The following KCNA7 variants were observed in gnomAD, a reference collection of about 807,000 sequenced individuals.
KCNA7 encodes potassium channel, voltage gated shaker related subfamily A, member 7.
In KCNA7, 15 loss-of-function variants were observed where a neutral mutation model predicts 21.5. That is an observed-to-expected ratio of 0.70 (90% CI 0.47 to 1.07). KCNA7 has a LOEUF of 1.07. Ranked by LOEUF, KCNA7 falls within the 50% of genes least tolerant of loss-of-function variation. KCNA7 has a pLI of 0.00. For synonymous variants in KCNA7, 298 were observed against 291.0 expected, an observed-to-expected ratio of 1.02 and a Z score of -0.24; for missense variants, 640 against 651.6, an observed-to-expected ratio of 0.98 and a Z score of 0.19.
In KCNA7 at chr19:49,069,778, C is replaced by A; in HGVS notation, c.*285G>T. 1 of 414,070 alleles carries A rather than the reference C, an allele frequency of 2.4e-6. No homozygotes were observed. 25.6% of individuals were successfully genotyped at this position (414,070 alleles called of 1,614,324 possible). On this transcript the variant is annotated 3_prime_UTR_variant, in exon 2 of 2. Transcript: ENST00000221444. ...TACGACCAAACCTATCTCAACACTA[C>A]CCCAAAAGGCTCCATGAGCTTTGCA...
intron 1 of KCNA7, 112 bp downstream of exon 1, chr19:49,071,919 T>A: frequency 1.6e-6 from 1 of 631,052 alleles, no homozygotes; most frequent in Non-Finnish European, 2.4e-6. Flanking sequence ...TGTCTTCGGC[T>A]GGCCCACCCC....
intron 1 of KCNA7, 46 bp downstream of exon 1, chr19:49,071,985 T>A: frequency 1.6e-6 from 2 of 1,243,274 alleles, no homozygotes; most frequent in Non-Finnish European, 2.1e-6. Context: ...ACCCCGCCCA[T>A]CTCCTCCCAA....
Position 49,070,010 on chromosome 19 carries a change from C to CCTCA in KCNA7, c.*52_*53insTGAG, listed in dbSNP as rs1462110937. On this transcript the variant is annotated 3_prime_UTR_variant, in exon 2 of 2. Coordinates refer to ENST00000221444, the MANE Select transcript of KCNA7 (RefSeq NM_031886.3). This position sits in a 1 kb window ranked among gnomAD's most constrained non-coding sequence, Gnocchi z 4.3. ...CCCCCAGCCTTGCCCTCCACCCTGC[C>CCTCA]CTCCCTCCCTCCCTCTAGGGAGGTG... is the stretch of plus-strand genomic sequence containing the variant. The CCTCA allele has an allele frequency of 1.4e-6, 2 of 1,406,340 alleles. No individual in the cohort carries two copies. Among genetic ancestry groups the CCTCA allele is most frequent in the Non-Finnish European group, 2.0e-6 (2 of 1,023,574 alleles). 87.1% of individuals were successfully genotyped at this position (1,406,340 alleles called of 1,614,324 possible).
chr19:49,071,225 T>C (rs937975726), intron 1 of KCNA7, among the ~76,000 whole-genome samples: 1 of 152,102 alleles, frequency 6.6e-6, no homozygotes, highest in African/African-American at 2.4e-5. Context: ...CCCCACCACC[T>C]TGTGCCTAGC....
In KCNA7 at chr19:49,070,219, T is replaced by A; in HGVS notation, c.1215A>T (p.Thr405=). The A allele has an allele frequency of 6.2e-7, 1 of 1,614,224 alleles. No homozygotes were observed. The highest frequency in any genetic ancestry group is 1.1e-5 in the South Asian group (1 of 91,086). The change falls in exon 2 of 2, where the codon ACA becomes ACT. Residue 405 remains threonine (T), a synonymous_variant. Transcript: ENST00000221444. This position sits in a 1 kb window ranked among gnomAD's most constrained non-coding sequence, Gnocchi z 4.3. ...SNFSYFYHRE[T]EGEEAGMFSH... Reference sequence around the variant, plus strand: ...TGAACATCCCAGCCTCTTCGCCCTCTGTCTCCCGGTGATAAAAGTAGCTGA... The same window carrying A: ...TGAACATCCCAGCCTCTTCGCCCTCAGTCTCCCGGTGATAAAAGTAGCTGA...
At position 49,067,689 on chromosome 19, in the gene KCNA7, G is replaced by C. The variant is rs1457318377; in HGVS notation, c.*2374C>G. On this transcript the variant is annotated 3_prime_UTR_variant, in exon 2 of 2. Transcript: ENST00000221444. ...CAGCCTGCCTGGCCCCTGGGGACAAGCTGTGAGACCTTGGGAAGCCACTCC... is the reference window on the plus strand; with the variant it reads ...CAGCCTGCCTGGCCCCTGGGGACAACCTGTGAGACCTTGGGAAGCCACTCC... The C allele has an allele frequency of 6.6e-6, 1 of 152,154 alleles. No homozygotes were observed. Among genetic ancestry groups the C allele is most frequent in the African/African-American group, 2.4e-5 (1 of 41,428 alleles). 9.4% of individuals were successfully genotyped at this position (152,154 alleles called of 1,614,324 possible).
Position 49,069,572 on chromosome 19 carries a change from C to T in KCNA7, c.*491G>A, listed in dbSNP as rs3810185. ...CTACACAATTTCCACCATGTCTCAA[C>T]GAAACTTAACACCACACACATTCGA... On this transcript the variant is annotated 3_prime_UTR_variant, in exon 2 of 2. Coordinates refer to ENST00000221444, the MANE Select transcript of KCNA7 (RefSeq NM_031886.3). 0.039 allele frequency: 5,990 copies of T among 154,490 alleles called. 145 individuals carry two copies. The highest frequency in any genetic ancestry group is 0.086 in the East Asian group (449 of 5,200). The allele number at this position is 154,490 out of a possible 1,614,324, so 9.6% of individuals were successfully genotyped here. A position where few individuals can be genotyped will look rare whatever the true frequency, so the allele number is the denominator to read the frequency against.
chr19:49,072,526 G>T lies in KCNA7; in HGVS notation c.60C>A (p.Ala20=). The stretch of plus-strand genomic sequence containing the variant: ...GCGCCCGCGTCTCGAAGCGCAGCCC[G>T]GCCACGTTGAGCACCAGCCGCTCGC... The part of the protein sequence containing the change: ...GCCERLVLNV[A]GLRFETRART... The change falls in exon 1 of 2, where the codon GCC becomes GCA. Residue 20 remains alanine (A), a synonymous_variant. Transcript: ENST00000221444. The T allele has an allele frequency of 2.1e-6, 3 of 1,459,366 alleles. No homozygotes were observed. Among genetic ancestry groups the T allele is most frequent in the Non-Finnish European group, 2.7e-6 (3 of 1,114,250 alleles). 90.4% of individuals were successfully genotyped at this position (1,459,366 alleles called of 1,614,324 possible). A position where few individuals can be genotyped will look rare whatever the true frequency, so the allele number is the denominator to read the frequency against.
At position 49,072,425 on chromosome 19, in the gene KCNA7, C is replaced by A; in HGVS notation, c.161G>T (p.Arg54Leu). The A allele has an allele frequency of 1.3e-6, 2 of 1,578,008 alleles. No individual in the cohort carries two copies. The highest frequency in any genetic ancestry group is 2.3e-5 in the South Asian group (2 of 88,376). The change falls in exon 1 of 2, where the codon CGC (arginine) becomes CTC (leucine). Residue 54 changes from arginine (R) to leucine (L), a missense_variant. Coordinates refer to ENST00000221444, the MANE Select transcript of KCNA7 (RefSeq NM_031886.3). ...CCGGTGCCGGTCGAAGAAATACTCG[C>A]GGCGCGCGTCGTCGTAGAAGCGGCC... ...RRGRFYDDAR[R>L]EYFFDRHRPS...
chr19:49,070,140 GC>G lies in KCNA7; in HGVS notation c.1293del (p.Leu432TrpfsTer82), dbSNP rs1343331789. The G allele has an allele frequency of 6.2e-7, 1 of 1,613,600 alleles. No homozygotes were observed. Among genetic ancestry groups the G allele is most frequent in the Non-Finnish European group, 8.5e-7 (1 of 1,179,800 alleles). Reference protein sequence around the residue: ...CGPLEGKANGGLVDGEVPELP... With the variant: ...CGPLEGKANGXLVDGEVPELP... ...AGCTCAGGTACCTCCCCGTCCACCAGCCCCCCATTGGCCTTGCCCTCCAGTG... is the reference window on the plus strand; with the variant it reads ...AGCTCAGGTACCTCCCCGTCCACCAGCCCCCATTGGCCTTGCCCTCCAGTG... On this transcript the variant is annotated frameshift_variant, in exon 2 of 2. Coordinates refer to ENST00000221444, the MANE Select transcript of KCNA7 (RefSeq NM_031886.3). LOFTEE classifies it low-confidence loss of function (END_TRUNC). This position sits in a 1 kb window ranked among gnomAD's most constrained non-coding sequence, Gnocchi z 4.3.
In KCNA7 at chr19:49,070,859, C is replaced by A; in HGVS notation, c.575G>T (p.Gly192Val). ...TGGATTTCCAGGCATTTGGCTGGAGCCATTCAGCGGAGCGGGGAACTGCAG... is the reference window on the plus strand; with the variant it reads ...TGGATTTCCAGGCATTTGGCTGGAGACATTCAGCGGAGCGGGGAACTGCAG... The part of the protein sequence containing the change: ...AAGPFPAPLN[G>V]SSQMPGNPPR... Residue 192 changes from glycine (G) to valine (V), a missense_variant, in exon 2 of 2, where the codon GGC (glycine) becomes GTC (valine). Transcript: ENST00000221444. The surrounding 1 kb of genome is among the most constrained non-coding windows in gnomAD (Gnocchi z 4.3). The A allele has an allele frequency of 6.2e-7, 1 of 1,613,488 alleles. No homozygotes were observed. The highest frequency in any genetic ancestry group is 8.5e-7 in the Non-Finnish European group (1 of 1,179,594).
At chr19:49,071,323 C>T (rs2040256134) in intron 1 of KCNA7, among the ~76,000 whole-genome samples, 1 of 151,928 alleles carries the variant, frequency 6.6e-6, no homozygotes, top group Non-Finnish European at 1.5e-5. Context: ...TTTGGGAAGC[C>T]GAGGCGGGCG....
In KCNA7 at chr19:49,068,346, T is replaced by G. The variant is rs1170480451; in HGVS notation, c.*1717A>C. 1 of 152,162 alleles carries G rather than the reference T, an allele frequency of 6.6e-6. No homozygotes were observed. Among genetic ancestry groups the G allele is most frequent in the East Asian group, 1.9e-4 (1 of 5,184 alleles). 9.4% of individuals were successfully genotyped at this position (152,162 alleles called of 1,614,324 possible). A position where few individuals can be genotyped will look rare whatever the true frequency, so the allele number is the denominator to read the frequency against. Reference sequence around the variant, plus strand: ...TTTGTTTGTTGAGACGGGGGCTCCCTCTGTTGCCCAGGCTGGAGTGCAGTG... The same window carrying G: ...TTTGTTTGTTGAGACGGGGGCTCCCGCTGTTGCCCAGGCTGGAGTGCAGTG... On this transcript the variant is annotated 3_prime_UTR_variant, in exon 2 of 2. Transcript: ENST00000221444.
rs1195154240 is a variant in KCNA7, at chr19:49,069,111, C to T, written c.*952G>A. The stretch of plus-strand genomic sequence containing the variant: ...ATGCTCCCAGATACATGATGCTTCC[C>T]CACTGCTATTTCCTTTGGGTCCTGG... On this transcript the variant is annotated 3_prime_UTR_variant, in exon 2 of 2. Coordinates refer to ENST00000221444, the MANE Select transcript of KCNA7 (RefSeq NM_031886.3). The T allele has an allele frequency of 6.6e-6, 1 of 152,350 alleles. No homozygotes were observed. Among genetic ancestry groups the T allele is most frequent in the African/African-American group, 2.4e-5 (1 of 41,434 alleles). 9.4% of individuals were successfully genotyped at this position (152,350 alleles called of 1,614,324 possible).
chr19:49,070,102 G>C lies in KCNA7; in HGVS notation c.1332C>G (p.Leu444=). ...CCAGGTGTTTCCCTGGGGGTGCCCA[G>C]AGTGGAGGTGGTAGCTCAGGTACCT... ...DGEVPELPPP[L]WAPPGKHLVT... The change falls in exon 2 of 2, where the codon CTC becomes CTG. Residue 444 remains leucine (L), a synonymous_variant. Coordinates refer to ENST00000221444, the MANE Select transcript of KCNA7 (RefSeq NM_031886.3). The surrounding 1 kb of genome is among the most constrained non-coding windows in gnomAD (Gnocchi z 4.3). 2 of 1,606,336 alleles carry C rather than the reference G, an allele frequency of 1.2e-6. No individual in the cohort carries two copies. Among genetic ancestry groups the C allele is most frequent in the Non-Finnish European group, 1.7e-6 (2 of 1,177,730 alleles).
chr19:49,070,927 G>T lies in KCNA7; in HGVS notation c.556-49C>A. ...GAGGGTCAGGCTGGGGCTAGGACAC[G>T]GGGACAGCCTTAATCATCATTTAAA... On this transcript the variant is annotated intron_variant, in intron 1 of 1. Transcript: ENST00000221444. This position sits in a 1 kb window ranked among gnomAD's most constrained non-coding sequence, Gnocchi z 4.3. 6.8e-7 allele frequency: 1 copy of T among 1,475,060 alleles called. No homozygotes were observed. Among genetic ancestry groups the T allele is most frequent in the South Asian group, 1.3e-5 (1 of 79,572 alleles). The allele number at this position is 1,475,060 out of a possible 1,614,324, so 91.4% of individuals were successfully genotyped here. A position where few individuals can be genotyped will look rare whatever the true frequency, so the allele number is the denominator to read the frequency against.
Position 49,069,991 on chromosome 19 carries a change from G to T in KCNA7, c.*72C>A. The T allele has an allele frequency of 1.6e-6, 2 of 1,217,436 alleles. No homozygotes were observed. The highest frequency in any genetic ancestry group is 2.3e-6 in the Non-Finnish European group (2 of 857,314). 75.4% of individuals were successfully genotyped at this position (1,217,436 alleles called of 1,614,324 possible). A position where few individuals can be genotyped will look rare whatever the true frequency, so the allele number is the denominator to read the frequency against. The stretch of plus-strand genomic sequence containing the variant: ...TCCTAAACCCAATCCCCTCCCCCCA[G>T]CCTTGCCCTCCACCCTGCCCTCCCT... On this transcript the variant is annotated 3_prime_UTR_variant, in exon 2 of 2. Transcript: ENST00000221444.
In KCNA7 at chr19:49,067,906, CTTT is replaced by C; in HGVS notation, c.*2154_*2156del. The C allele has an allele frequency of 6.8e-6, 1 of 147,344 alleles. No individual in the cohort carries two copies. The highest frequency in any genetic ancestry group is 1.5e-5 in the Non-Finnish European group (1 of 67,018). 9.1% of individuals were successfully genotyped at this position (147,344 alleles called of 1,614,324 possible). Reference sequence around the variant, plus strand: ...TTTTTCTGGCTTTTTCTTTTCTTTTCTTTTTTTTTTTGAGACAGAGTGTTGCTC... The same window carrying C: ...TTTTTCTGGCTTTTTCTTTTCTTTTCTTTTTTTTGAGACAGAGTGTTGCTC... On this transcript the variant is annotated 3_prime_UTR_variant, in exon 2 of 2. Coordinates refer to ENST00000221444, the MANE Select transcript of KCNA7 (RefSeq NM_031886.3).
chr19:49,071,738 T>G (rs977975440), intron 1 of KCNA7, among the ~76,000 whole-genome samples: 3 of 152,062 alleles, frequency 2.0e-5, no homozygotes, highest in Non-Finnish European at 4.4e-5. Flanking sequence ...TCCGGAGTTT[T>G]CAGGCTCTCC....
Sources: gnomAD v4.1 joint callset for allele counts (sites outside exome capture counted in the v4.1 genomes callset) on GRCh38, gnomAD v4.1.1 for gene constraint, Gnocchi (gnomAD v3.1) non-coding constraint, MANE v1.5 for transcripts, NCBI Gene and HGNC (gene_info 2026-07-23, HGNC 2026-07-21) for gene names.